PIWIL2: variants seen among roughly 807,000 people sequenced by gnomAD.
PIWIL2 encodes piwi like RNA-mediated gene silencing 2, also known as piwi-like protein 2.
Under a neutral mutation model 116.5 loss-of-function variants are expected in PIWIL2, and 81 were observed. The ratio of observed to expected loss-of-function variants is 0.70; its 90% confidence interval spans 0.58 to 0.84. The LOEUF (loss-of-function observed/expected upper bound fraction) is 0.84, where lower values mean the gene tolerates loss of function less well. Ranked by LOEUF, PIWIL2 falls within the 40% of genes least tolerant of loss-of-function variation. The pLI, the probability that PIWIL2 is intolerant of heterozygous loss-of-function variation, is 0.00. For synonymous variants in PIWIL2, 489 were observed against 429.5 expected (o/e 1.14, Z -1.71); for missense variants, 1,272 against 1,212.3 (o/e 1.05, Z -0.73).
intron 6 of PIWIL2, among the ~76,000 whole-genome samples, chr8:22,285,603 A>G (rs1349042713): frequency 6.6e-6 from 1 of 152,066 alleles, no homozygotes; most frequent in Non-Finnish European, 1.5e-5. Context: ...GGATCATATT[A>G]GTACTATTTT....
chr8:22,308,018 C>G lies in PIWIL2; in HGVS notation c.1631C>G (p.Ala544Gly). The G allele has an allele frequency of 6.2e-7, 1 of 1,613,930 alleles. No homozygotes were observed. Among genetic ancestry groups the G allele is most frequent in the Non-Finnish European group, 8.5e-7 (1 of 1,179,938 alleles). ...CLLQRIAKNE[A>G]ATNELMRWGL... Reference sequence around the variant, plus strand: ...CTGCAAAGAATTGCAAAGAACGAGGCAGCCACCAATGAACTGATGCGTTGG... The same window carrying G: ...CTGCAAAGAATTGCAAAGAACGAGGGAGCCACCAATGAACTGATGCGTTGG... The change falls in exon 14 of 23, where the codon GCA becomes GGA. Residue 544 changes from alanine (A) to glycine (G), a missense_variant. Physicochemically the swap from Ala to Gly is moderately conservative, Grantham distance 60. Coordinates refer to ENST00000356766, the MANE Select transcript of PIWIL2 (RefSeq NM_018068.5).
intron 10 of PIWIL2, among the ~76,000 whole-genome samples, chr8:22,303,820 C>T (rs926625974): frequency 5.3e-5 from 8 of 152,106 alleles, no homozygotes; most frequent in African/African-American, 1.7e-4. Flanking sequence ...TTCAAGCAGT[C>T]CTCCTGCCTC....
chr8:22,278,402 C>T (rs911329333), intron 1 of PIWIL2, among the ~76,000 whole-genome samples: 1 of 152,098 alleles, frequency 6.6e-6, no homozygotes, highest in Non-Finnish European at 1.5e-5. Flanking sequence ...TGCCTGTAGT[C>T]CCAGCTACTC....
Position 22,294,825 on chromosome 8 carries a change from C to T in PIWIL2, c.1181+4479C>T, listed in dbSNP as rs138395171. ...CCTGTCATCCCAGGACTTTGGGAGGCCGAGGCAGGCGGATCACTTGAGGTC... is the reference window on the plus strand; with the variant it reads ...CCTGTCATCCCAGGACTTTGGGAGGTCGAGGCAGGCGGATCACTTGAGGTC... On this transcript the variant is annotated intron_variant, in intron 10 of 22. Coordinates refer to ENST00000356766, the MANE Select transcript of PIWIL2 (RefSeq NM_018068.5). Among the ~76,000 whole-genome samples, 483 of 139,094 alleles carry T rather than the reference C, an allele frequency of 3.5e-3. 2 individuals are homozygous for T. Among genetic ancestry groups the T allele is most frequent in the African/African-American group, 0.012 (461 of 38,494 alleles). The allele number at this position is 139,094 out of a possible 152,430, so 91.3% of individuals were successfully genotyped here. A position where few individuals can be genotyped will look rare whatever the true frequency, so the allele number is the denominator to read the frequency against.
In PIWIL2 at chr8:22,314,437, G is replaced by GGT. The variant is rs200199267; in HGVS notation, c.2091+11_2091+12dup. 1.9e-3 allele frequency: 2,900 copies of GGT among 1,515,112 alleles called. 61 individuals are homozygous for GGT. The African/African-American group carries it at 0.035, about 18-fold the overall frequency. The allele number at this position is 1,515,112 out of a possible 1,614,324, so 93.9% of individuals were successfully genotyped here. A position where few individuals can be genotyped will look rare whatever the true frequency, so the allele number is the denominator to read the frequency against. ...TCCCCAGTGCCCTCCCAGGTGAGTG[G>GGT]GTGTTGGGGCAGGAGGCGCAGATGG... is the stretch of plus-strand genomic sequence containing the variant. On this transcript the variant is annotated intron_variant, in intron 17 of 22. Transcript: ENST00000356766.
At chr8:22,284,582 G>T (rs139891929) in intron 6 of PIWIL2, among the ~76,000 whole-genome samples, 1 of 152,044 alleles carries the variant, frequency 6.6e-6, no homozygotes, top group Non-Finnish European at 1.5e-5. Flanking sequence ...TGTCTTCCAT[G>T]ATCTTTTAAC....
At chr8:22,282,924 G>T in intron 4 of PIWIL2, 110 bp from the exon 5 acceptor site, 3 of 833,860 alleles carry the variant, frequency 3.6e-6, no homozygotes, top group Non-Finnish European at 4.0e-6. Context: ...TTGAAACTTG[G>T]ATCCCTTTTG....
chr8:22,281,817 G>A (rs908960725), intron 4 of PIWIL2, among the ~76,000 whole-genome samples: 1 of 140,690 alleles, frequency 7.1e-6, no homozygotes, highest in Non-Finnish European at 1.5e-5. Flanking sequence ...TGTCTCCCAA[G>A]CTGGAGTGCA....
intron 20 of PIWIL2, among the ~76,000 whole-genome samples, chr8:22,339,717 C>G (rs1244967353): frequency 2.6e-5 from 4 of 152,178 alleles, no homozygotes; most frequent in African/African-American, 9.7e-5. Context: ...AGAAGTCATT[C>G]ATCCGATACA....
intron 20 of PIWIL2, among the ~76,000 whole-genome samples, chr8:22,330,619 C>G (rs576014926): frequency 6.6e-6 from 1 of 151,696 alleles, no homozygotes; most frequent in South Asian, 2.1e-4. Flanking sequence ...ACTGCTTGAA[C>G]CTGGGAGGCG....
At chr8:22,351,107 C>T (rs1832342526) in intron 20 of PIWIL2, among the ~76,000 whole-genome samples, 1 of 151,876 alleles carries the variant, frequency 6.6e-6, no homozygotes, top group Admixed American at 6.6e-5. Flanking sequence ...GTCAAGATTG[C>T]ATCACTGCAC....
intron 2 of PIWIL2, among the ~76,000 whole-genome samples, chr8:22,280,105 C>T (rs1830466477): frequency 6.6e-6 from 1 of 152,164 alleles, no homozygotes; most frequent in Non-Finnish European, 1.5e-5. Context: ...ATAATGAGCG[C>T]TAGATGGACT....
At chr8:22,307,900 T>C (rs1831225360) in intron 13 of PIWIL2, 33 bp from the exon 14 acceptor site, 1 of 1,545,714 alleles carries the variant, frequency 6.5e-7, no homozygotes, top group South Asian at 1.2e-5. Flanking sequence ...TGAAGTTATC[T>C]TTATAAGTTA....
rs150464547 is a variant in PIWIL2, at chr8:22,304,165, C to T, written c.1326C>T (p.Phe442=). The T allele has an allele frequency of 1.2e-6, 2 of 1,613,470 alleles. No individual in the cohort carries two copies. Among genetic ancestry groups the T allele is most frequent in the African/African-American group, 2.7e-5 (2 of 74,886 alleles). ...GGAATAAGACTCCAAAGGATAGCTT[C>T]ACGATGTCTGATGGGAAAGAGATCA... ...VDWNKTPKDS[F]TMSDGKEITF... Residue 442 remains phenylalanine (F), a synonymous_variant, in exon 11 of 23, where the codon TTC becomes TTT. Transcript: ENST00000356766.
intron 12 of PIWIL2, 46 bp from the exon 13 acceptor site, chr8:22,305,881 A>C: frequency 7.2e-7 from 1 of 1,381,876 alleles, no homozygotes; most frequent in Non-Finnish European, 1.0e-6. Flanking sequence ...CGGGAACATG[A>C]GCCTCTTGTA....
At chr8:22,330,147 T>C (rs1292397702) in intron 20 of PIWIL2, among the ~76,000 whole-genome samples, 1 of 152,190 alleles carries the variant, frequency 6.6e-6, no homozygotes, top group Non-Finnish European at 1.5e-5. Context: ...TATTTCTTTT[T>C]CTTATACTGG....
intron 20 of PIWIL2, among the ~76,000 whole-genome samples, chr8:22,337,355 G>C (rs75124633): frequency 7.2e-5 from 11 of 152,042 alleles, no homozygotes; most frequent in Admixed American, 2.6e-4. Context: ...CTGTACACTA[G>C]AATGATCAAT....
chr8:22,295,937 T>G (rs995787470), intron 10 of PIWIL2, among the ~76,000 whole-genome samples: 3 of 152,012 alleles, frequency 2.0e-5, no homozygotes, highest in Non-Finnish European at 4.4e-5. Flanking sequence ...TAGAAATGTC[T>G]GTTAGAATCT....
At chr8:22,285,041 G>T (rs962878937) in intron 6 of PIWIL2, among the ~76,000 whole-genome samples, 1 of 152,078 alleles carries the variant, frequency 6.6e-6, no homozygotes, top group Admixed American at 6.6e-5. Flanking sequence ...ATTAAGTCAG[G>T]CTAATTGACA....
Sources: allele counts gnomAD v4.1 joint callset (sites outside exome capture counted in the v4.1 genomes callset), GRCh38; gene constraint gnomAD v4.1.1; transcripts MANE v1.5; gene names NCBI Gene and HGNC (gene_info 2026-07-23, HGNC 2026-07-21).